KCNIP4: variants seen among roughly 807,000 people sequenced by gnomAD.
KCNIP4 encodes the protein Kv channel-interacting protein 4.
Under a neutral mutation model 34.0 loss-of-function variants are expected in KCNIP4, and 12 were observed. The observed-to-expected ratio is 0.35, with a 90% CI of 0.23 to 0.57. The LOEUF (loss-of-function observed/expected upper bound fraction) is 0.57, where lower values mean the gene tolerates loss of function less well. KCNIP4 is among the 20% of genes least tolerant of loss of function. The pLI, the probability that KCNIP4 is intolerant of heterozygous loss-of-function variation, is 0.83. For missense variants in KCNIP4, 238 were observed against 311.7 expected, an observed-to-expected ratio of 0.76 and a Z score of 1.78; for synonymous variants, 124 against 102.2, an observed-to-expected ratio of 1.21 and a Z score of -1.29.
chr4:21,761,573 C>A (rs1449226152), intron 1 of KCNIP4, among the ~76,000 whole-genome samples: 4 of 151,034 alleles, frequency 2.6e-5, no homozygotes, highest in Non-Finnish European at 4.4e-5. Flanking sequence ...CTTATGTTCA[C>A]ATAAAAATAA....
At chr4:21,490,702 T>C (rs1732316288) in intron 1 of KCNIP4, among the ~76,000 whole-genome samples, 1 of 152,216 alleles carries the variant, frequency 6.6e-6, no homozygotes, top group South Asian at 2.1e-4. Flanking sequence ...AAAAGGTTTT[T>C]ACTTAACCCA....
rs1266257692 is a variant in KCNIP4 at position 21,039,006 on chromosome 4, G to A, written c.62-156297C>T. ...GTTCACTGCAGGCAGTTTTGTCAAC[G>A]GCACCAGATTGAGAGTGAAGCTAGA... On this transcript the variant is annotated intron_variant, in intron 1 of 8. Transcript: ENST00000382152. Among the ~76,000 whole-genome samples the A allele has an allele frequency of 7.2e-5, 11 of 152,264 alleles. No individual in the cohort carries two copies. In the East Asian group the frequency reaches 1.9e-3, roughly 27 times the overall value.
At chr4:20,863,052 C>A (rs557943350) in intron 2 of KCNIP4, among the ~76,000 whole-genome samples, 1 of 152,188 alleles carries the variant, frequency 6.6e-6, no homozygotes. Context: ...GTGGGTTCAC[C>A]TTACCCACTG....
chr4:21,828,711 C>T (rs563103265), intron 1 of KCNIP4, among the ~76,000 whole-genome samples: 57 of 151,780 alleles, frequency 3.8e-4, no homozygotes, highest in African/African-American at 1.2e-3. Flanking sequence ...ATCATGTCTC[C>T]GAGTGCTGAG....
intron 1 of KCNIP4, among the ~76,000 whole-genome samples, chr4:21,756,486 G>A (rs573844807): frequency 7.3e-5 from 11 of 151,646 alleles, no homozygotes; most frequent in Middle Eastern, 3.4e-3. Flanking sequence ...CCCAGGAGGC[G>A]GAGGTTGCAG....
intron 1 of KCNIP4, among the ~76,000 whole-genome samples, chr4:21,112,050 T>TATCTATCTATCTATCTATCC (rs1553940047): frequency 0.068 from 10,268 of 151,834 alleles, 398 homozygotes; most frequent in African/African-American, 0.087. Context: ...TCTATCTATC[T>TATCTATCTATCTATCTATCC]ATCTATCTAT....
chr4:21,454,862 T>A (rs1176314597), intron 1 of KCNIP4, among the ~76,000 whole-genome samples: 1 of 152,094 alleles, frequency 6.6e-6, no homozygotes, highest in Admixed American at 6.6e-5. Context: ...ATGCAACTTA[T>A]TGGAAAGATA....
At chr4:21,025,815 A>G (rs1387164594) in intron 1 of KCNIP4, among the ~76,000 whole-genome samples, 2 of 151,862 alleles carry the variant, frequency 1.3e-5, no homozygotes, top group Non-Finnish European at 2.9e-5. Flanking sequence ...TGGCCTCCCT[A>G]AAGTGCTGGG....
intron 1 of KCNIP4, among the ~76,000 whole-genome samples, chr4:21,465,658 T>C (rs890173314): frequency 1.3e-5 from 2 of 152,044 alleles, no homozygotes; most frequent in African/African-American, 2.4e-5. Context: ...TCTCCAAGCT[T>C]TCTCAGTCTT....
intron 3 of KCNIP4, among the ~76,000 whole-genome samples, chr4:20,809,764 G>A (rs982419430): frequency 2.0e-5 from 3 of 152,118 alleles, no homozygotes; most frequent in South Asian, 2.1e-4. Flanking sequence ...CTAAAAGCAC[G>A]AAACCTCTTA....
At chr4:21,201,116 A>T (rs2108954426) in intron 1 of KCNIP4, among the ~76,000 whole-genome samples, 1 of 152,358 alleles carries the variant, frequency 6.6e-6, no homozygotes, top group African/African-American at 2.4e-5. Context: ...GTAACTTACC[A>T]TTCCAATAAA....
At chr4:20,937,882 ACTTT>A (rs150933911) in intron 1 of KCNIP4, among the ~76,000 whole-genome samples, 3,719 of 152,310 alleles carry the variant, frequency 0.024, 70 homozygotes, top group Non-Finnish European at 0.04. Flanking sequence ...CATAGGTTTA[ACTTT>A]CTTTCTTCAA....
intron 3 of KCNIP4, among the ~76,000 whole-genome samples, chr4:20,808,384 A>G (rs1405264177): frequency 1.3e-5 from 2 of 152,194 alleles, no homozygotes; most frequent in South Asian, 2.1e-4. Context: ...ACCCAATGAC[A>G]TTCATGTCAG....
intron 1 of KCNIP4, among the ~76,000 whole-genome samples, chr4:21,380,839 G>GAC (rs34138343): frequency 0.48 from 72,521 of 149,528 alleles, 19,168 homozygotes; most frequent in Non-Finnish European, 0.61. Context: ...TTCCATTGGT[G>GAC]ACACACACAC....
intron 1 of KCNIP4, among the ~76,000 whole-genome samples, chr4:21,636,358 C>G (rs1169406123): frequency 6.6e-6 from 1 of 150,564 alleles, no homozygotes; most frequent in Non-Finnish European, 1.5e-5. Context: ...AAGTCCCTGA[C>G]AGAACTACTG....
intron 3 of KCNIP4, among the ~76,000 whole-genome samples, chr4:20,775,354 T>C (rs927744517): frequency 6.6e-6 from 1 of 152,038 alleles, no homozygotes; most frequent in Non-Finnish European, 1.5e-5. Flanking sequence ...GATTATGAAC[T>C]TGTATGTAGG....
chr4:21,624,102 A>G (rs1745163814), intron 1 of KCNIP4, among the ~76,000 whole-genome samples: 1 of 152,146 alleles, frequency 6.6e-6, no homozygotes, highest in African/African-American at 2.4e-5. Context: ...TACTACAATG[A>G]ATAGCGCACA....
intron 1 of KCNIP4, among the ~76,000 whole-genome samples, chr4:21,330,059 T>C (rs916039972): frequency 6.6e-6 from 1 of 152,180 alleles, no homozygotes; most frequent in African/African-American, 2.4e-5. Flanking sequence ...AAGCATACCT[T>C]CCTCTTTAGT....
intron 1 of KCNIP4, among the ~76,000 whole-genome samples, chr4:21,670,971 T>G (rs1749457649): frequency 6.9e-6 from 1 of 145,348 alleles, no homozygotes; most frequent in Non-Finnish European, 1.6e-5. Context: ...AACTTTTTTT[T>G]TTTTTTAAAT....
Sources: allele counts gnomAD v4.1 joint callset (sites outside exome capture counted in the v4.1 genomes callset), GRCh38; gene constraint gnomAD v4.1.1; transcripts MANE v1.5; gene names NCBI Gene and HGNC (gene_info 2026-07-23, HGNC 2026-07-21).